The following CCDC82 variants were observed in gnomAD, a reference collection of about 807,000 sequenced individuals.
CCDC82 encodes the protein coiled-coil domain-containing protein 82.
A neutral mutation model predicts 60.6 loss-of-function variants in CCDC82; 47 were observed. The ratio of observed to expected loss-of-function variants is 0.77; its 90% confidence interval spans 0.61 to 0.99. The LOEUF is 0.99. CCDC82 is among the 50% of genes least tolerant of loss of function. CCDC82 has a pLI of 0.00. For missense variants in CCDC82, 588 were observed against 633.0 expected, an observed-to-expected ratio of 0.93 and a Z score of 0.76; for synonymous variants, 212 against 207.4, an observed-to-expected ratio of 1.02 and a Z score of -0.19.
At chr11:96,389,476 G>A (rs914965311) in intron 1 of CCDC82, 5 of 152,318 alleles carry the variant, frequency 3.3e-5, no homozygotes, top group African/African-American at 1.2e-4. Context: ...GCCAAGCTTC[G>A]CGATGACGCG....
intron 9 of CCDC82, 51 bp downstream of exon 9, chr11:96,358,942 A>G: frequency 7.1e-7 from 1 of 1,411,554 alleles, no homozygotes; most frequent in Non-Finnish European, 9.7e-7. Flanking sequence ...TTTGCTGATC[A>G]TAATTAGCCT....
Position 96,373,450 on chromosome 11 carries a change from A to G in CCDC82, c.1009T>C (p.Tyr337His). Reference protein sequence around the residue: ...QNSLYSFSDHYTHFERVVKAL... With the variant: ...QNSLYSFSDHHTHFERVVKAL... ...TTCACAACTCTTTCAAAATGAGTAT[A>G]GTGGTCACTAAAAGAATCTGAAATT... is the stretch of plus-strand genomic sequence containing the variant. The change falls in exon 6 of 10, where the codon TAT (tyrosine) becomes CAT (histidine). Residue 337 changes from tyrosine (Y) to histidine (H), a missense_variant. By Grantham distance (83) the Tyr-to-His change is moderately conservative (BLOSUM62 2). Coordinates refer to ENST00000646818, the MANE Select transcript of CCDC82 (RefSeq NM_024725.4). 2.5e-6 allele frequency: 4 copies of G among 1,596,654 alleles called. No homozygotes were observed. The highest frequency in any genetic ancestry group is 2.6e-6 in the Non-Finnish European group (3 of 1,168,580).
chr11:96,383,137 G>A (rs1007382239), intron 5 of CCDC82, 132 bp downstream of exon 5: 17 of 651,650 alleles, frequency 2.6e-5, no homozygotes, highest in East Asian at 1.0e-4. Flanking sequence ...CTATTAAACT[G>A]ACAAGGTTAT....
chr11:96,384,008 G>T lies in CCDC82; in HGVS notation c.740C>A (p.Ser247Ter). The T allele has an allele frequency of 6.2e-7, 1 of 1,613,330 alleles. No homozygotes were observed. The highest frequency in any genetic ancestry group is 1.1e-5 in the South Asian group (1 of 91,002). The stretch of plus-strand genomic sequence containing the variant: ...GCGTCTCTGACGAGATCTTTGTTTT[G>T]AGAGTTCTTTGAGCTTCTGAAGTTT... ...REKLQKLKEL[S>*]KQRSRQRRSS... Residue 247 changes from serine to a stop codon, truncating the protein, a stop_gained, in exon 4 of 10, where the codon TCA (serine) becomes TAA (stop). Transcript: ENST00000646818. LOFTEE classifies it high-confidence loss of function.
At chr11:96,367,823 T>TTC (rs1354353416) in intron 7 of CCDC82, among the ~76,000 whole-genome samples, 1 of 147,890 alleles carries the variant, frequency 6.8e-6, no homozygotes, top group East Asian at 1.9e-4. Context: ...TGTATTTCTT[T>TTC]TTTTTTTTTT....
At chr11:96,372,183 G>C (rs1305378175) in intron 6 of CCDC82, among the ~76,000 whole-genome samples, 4 of 152,002 alleles carry the variant, frequency 2.6e-5, no homozygotes, top group African/African-American at 9.7e-5. Flanking sequence ...TTTGCCCTCT[G>C]CTAAGCAAGT....
At position 96,384,511 on chromosome 11, in the gene CCDC82, T is replaced by A. The variant is rs139035220; in HGVS notation, c.237A>T (p.Pro79=). Reference sequence around the variant, plus strand: ...TTAAGTTGAGCTCTCTTTCACTTCCTGGTGTTTTATTACAATCAGGTCCCT... The same window carrying A: ...TTAAGTTGAGCTCTCTTTCACTTCCAGGTGTTTTATTACAATCAGGTCCCT... ...SNKGPDCNKT[P]GSERELNLSK... The change falls in exon 4 of 10, where the codon CCA becomes CCT. Residue 79 remains proline (P), a synonymous_variant. Coordinates refer to ENST00000646818, the MANE Select transcript of CCDC82 (RefSeq NM_024725.4). 7.0e-5 allele frequency: 113 copies of A among 1,613,796 alleles called. No individual in the cohort carries two copies. The Middle Eastern group carries it at 1.7e-3, about 24-fold the overall frequency.
At chr11:96,389,645 C>T (rs1866435234) in intron 1 of CCDC82, 199 bp downstream of exon 1, 1 of 152,560 alleles carries the variant, frequency 6.6e-6, no homozygotes, top group Admixed American at 6.5e-5. Flanking sequence ...ACCGCGCCCA[C>T]TGCAGCTCAG....
chr11:96,388,796 T>C (rs1866358390), intron 1 of CCDC82: 1 of 152,226 alleles, frequency 6.6e-6, no homozygotes, highest in Non-Finnish European at 1.5e-5. Flanking sequence ...GGATCCATTC[T>C]TGGGTGTAAA....
intron 9 of CCDC82, 108 bp downstream of exon 9, chr11:96,358,885 G>A: frequency 9.2e-7 from 1 of 1,085,828 alleles, no homozygotes; most frequent in East Asian, 2.5e-5. Flanking sequence ...AACGACAGAA[G>A]AAAGAGATTC....
chr11:96,377,525 G>A (rs1347547616), intron 5 of CCDC82, among the ~76,000 whole-genome samples: 1 of 151,878 alleles, frequency 6.6e-6, no homozygotes, highest in Non-Finnish European at 1.5e-5. Context: ...GTTGTCTCTT[G>A]GTTTAAAATA....
In CCDC82 at chr11:96,368,862, T is replaced by TC. The variant is rs1490430435; in HGVS notation, c.1209+2150dup. On this transcript the variant is annotated intron_variant, in intron 7 of 9. Coordinates refer to ENST00000646818, the MANE Select transcript of CCDC82 (RefSeq NM_024725.4). Reference sequence around the variant, plus strand: ...ACCTGGGCGATGGAGAGAGACTCCGTCTCAAAAAAAAAAAAAGGCATCTTC... The same window carrying TC: ...ACCTGGGCGATGGAGAGAGACTCCGTCCTCAAAAAAAAAAAAAGGCATCTTC... Among the ~76,000 whole-genome samples the TC allele has an allele frequency of 1.0e-3, 14 of 13,820 alleles. No homozygotes were observed. The Admixed American group carries it at 0.013, about 12-fold the overall frequency. The allele number at this position is 13,820 out of a possible 152,430, so 9.1% of individuals were successfully genotyped here. A position where few individuals can be genotyped will look rare whatever the true frequency, so the allele number is the denominator to read the frequency against.
At chr11:96,362,221 CTG>C (rs1423127831) in intron 8 of CCDC82, among the ~76,000 whole-genome samples, 3 of 152,152 alleles carry the variant, frequency 2.0e-5, no homozygotes, top group Non-Finnish European at 2.9e-5. Context: ...ATTTAGCTAA[CTG>C]TAGGTAGCTT....
intron 2 of CCDC82, 148 bp downstream of exon 2, chr11:96,387,382 T>C (rs556114752): frequency 1.2e-4 from 19 of 152,238 alleles, no homozygotes; most frequent in South Asian, 2.1e-4. Context: ...TAAAAACTTA[T>C]GACTGCACAG....
chr11:96,383,369 G>A lies in CCDC82; in HGVS notation c.891C>T (p.Asp297=). The A allele has an allele frequency of 1.2e-6, 2 of 1,603,052 alleles. No homozygotes were observed. The highest frequency in any genetic ancestry group is 1.7e-6 in the Non-Finnish European group (2 of 1,172,796). Residue 297 remains aspartate, a synonymous_variant, in exon 5 of 10, where the codon GAC becomes GAT. Transcript: ENST00000646818. ...DEDGDDYIID[D]FVVQDEEGDE... is the part of the protein sequence containing the mutation. Reference sequence around the variant, plus strand: ...CACCCTCCTCATCTTGCACTACAAAGTCATCGATAATATAATCATCTCCAT... The same window carrying A: ...CACCCTCCTCATCTTGCACTACAAAATCATCGATAATATAATCATCTCCAT...
chr11:96,383,832 G>C (rs539837395), intron 4 of CCDC82, 130 bp downstream of exon 4: 1 of 836,308 alleles, frequency 1.2e-6, no homozygotes, highest in South Asian at 1.9e-5. Context: ...ACATGTTCAA[G>C]AATACTTGAT....
chr11:96,387,717 T>G (rs752935697), intron 1 of CCDC82, 104 bp from the exon 2 acceptor site: 1 of 152,220 alleles, frequency 6.6e-6, no homozygotes, highest in Non-Finnish European at 1.5e-5. Flanking sequence ...AAATAACGAT[T>G]AAAATGGTTT....
chr11:96,358,786 G>A lies in CCDC82; in HGVS notation c.1566+207C>T, dbSNP rs186756237. ...TAATGCTTATTAAAATTTATCTGAT[G>A]GGCTGAGTGAATCCTTAGAACATCA... On this transcript the variant is annotated intron_variant, in intron 9 of 9. Transcript: ENST00000646818. 3.5e-3 allele frequency among the ~76,000 whole-genome samples: 535 copies of A among 152,268 alleles called. 1 individual carries two copies. Among genetic ancestry groups the A allele is most frequent in the African/African-American group, 0.012 (503 of 41,530 alleles).
At chr11:96,386,470 T>G (rs1159314281) in intron 2 of CCDC82, 177 bp from the exon 3 acceptor site, 2 of 152,182 alleles carry the variant, frequency 1.3e-5, no homozygotes, top group Admixed American at 1.3e-4. Context: ...TTTTATTTTT[T>G]TAAGAGATAG....
Sources: gnomAD v4.1 joint callset for allele counts (sites outside exome capture counted in the v4.1 genomes callset) on GRCh38, gnomAD v4.1.1 for gene constraint, MANE v1.5 for transcripts, NCBI Gene and HGNC (gene_info 2026-07-23, HGNC 2026-07-21) for gene names.